CAMK2B: variants seen among roughly 807,000 people sequenced by gnomAD.
CAMK2B encodes calcium/calmodulin dependent protein kinase II beta.
A neutral mutation model predicts 93.7 loss-of-function variants in CAMK2B; 27 were observed. The observed-to-expected ratio is 0.29, with a 90% CI of 0.21 to 0.40. The LOEUF (loss-of-function observed/expected upper bound fraction) is 0.40. Among genes scored for constraint, CAMK2B ranks in the 10% least tolerant of loss-of-function variants. The probability of loss-of-function intolerance (pLI) is 1.00; values close to 1 mark genes in which losing one functional copy is unlikely to be tolerated. For missense variants in CAMK2B, 568 were observed against 895.8 expected, an observed-to-expected ratio of 0.63 and a Z score of 4.67; for synonymous variants, 374 against 358.8, an observed-to-expected ratio of 1.04 and a Z score of -0.48.
intron 6 of CAMK2B, among the ~76,000 whole-genome samples, chr7:44,246,859 G>A (rs1053712315): frequency 6.6e-6 from 1 of 151,202 alleles, no homozygotes; most frequent in Non-Finnish European, 1.5e-5. Flanking sequence ...TTTACATACA[G>A]GTGCACACAC....
chr7:44,231,145 A>C, intron 16 of CAMK2B, 91 bp from the exon 17 acceptor site: 18 of 781,140 alleles, frequency 2.3e-5, no homozygotes, highest in East Asian at 3.4e-5. Flanking sequence ...GGCCTGTGTC[A>C]GGACCAGCCC....
chr7:44,232,713 G>GA (rs1392418758), intron 16 of CAMK2B, 109 bp downstream of exon 16: 1 of 955,474 alleles, frequency 1.0e-6, no homozygotes, highest in African/African-American at 4.2e-5. Context: ...GGGGCGGCCA[G>GA]GGCATGGGAC....
chr7:44,306,970 G>GC, intron 1 of CAMK2B, among the ~76,000 whole-genome samples: 1 of 134,378 alleles, frequency 7.4e-6, no homozygotes, highest in African/African-American at 2.9e-5. Context: ...GAGGATGTGA[G>GC]AAAGGGGAGG....
chr7:44,302,047 A>T (rs1193133032), intron 1 of CAMK2B, among the ~76,000 whole-genome samples: 2 of 152,178 alleles, frequency 1.3e-5, no homozygotes, highest in African/African-American at 2.4e-5. Context: ...AATTACTAAT[A>T]CCAGAAATAA....
At chr7:44,226,387 C>T (rs1583779534) in intron 20 of CAMK2B, 129 bp downstream of exon 20, 1 of 729,386 alleles carries the variant, frequency 1.4e-6, no homozygotes, top group East Asian at 3.3e-5. Context: ...TTCCCTGGGA[C>T]CCAGCAGAGG....
At chr7:44,255,148 T>C (rs1482290826) in intron 4 of CAMK2B, among the ~76,000 whole-genome samples, 1 of 152,080 alleles carries the variant, frequency 6.6e-6, no homozygotes, top group Non-Finnish European at 1.5e-5. Flanking sequence ...AAATCTGGTC[T>C]CCTTGGTGGC....
intron 15 of CAMK2B, among the ~76,000 whole-genome samples, chr7:44,233,145 C>T (rs534485259): frequency 1.1e-3 from 167 of 152,152 alleles, no homozygotes; most frequent in Non-Finnish European, 1.9e-3. Flanking sequence ...TGTGGGGCCC[C>T]GACAAGCTGC....
chr7:44,246,847 C>T (rs571826276), intron 6 of CAMK2B, among the ~76,000 whole-genome samples: 1 of 152,128 alleles, frequency 6.6e-6, no homozygotes, highest in Admixed American at 6.5e-5. Context: ...GACACATGCA[C>T]ATTTACATAC....
At chr7:44,300,324 C>A (rs1005641852) in intron 1 of CAMK2B, among the ~76,000 whole-genome samples, 19 of 152,170 alleles carry the variant, frequency 1.2e-4, no homozygotes, top group African/African-American at 4.6e-4. Flanking sequence ...GTGTAAGCCA[C>A]CATGCCCAGC....
chr7:44,229,356 A>AC, intron 18 of CAMK2B, 32 bp downstream of exon 18: 2 of 1,426,950 alleles, frequency 1.4e-6, no homozygotes, highest in Admixed American at 4.5e-5. Context: ...CTCCAACATG[A>AC]CCCCCACAGC....
At chr7:44,321,041 G>C (rs1795943487) in intron 1 of CAMK2B, among the ~76,000 whole-genome samples, 1 of 152,216 alleles carries the variant, frequency 6.6e-6, no homozygotes, top group Non-Finnish European at 1.5e-5. Context: ...GAGCTGTGAG[G>C]GGTCAGGGGA....
At chr7:44,239,466 CG>C in intron 13 of CAMK2B, 122 bp downstream of exon 13, 2 of 817,978 alleles carry the variant, frequency 2.4e-6, no homozygotes, top group Non-Finnish European at 3.9e-6. Context: ...CAGGGGCTCC[CG>C]GGGGCCTGGC....
intron 16 of CAMK2B, 118 bp downstream of exon 16, chr7:44,232,704 G>A: frequency 2.4e-6 from 2 of 823,334 alleles, no homozygotes; most frequent in Admixed American, 2.5e-5. Context: ...CTGCGGGGAG[G>A]GGCGGCCAGG....
Position 44,248,831 on chromosome 7 carries a change from G to A in CAMK2B, c.342-1639C>T, listed in dbSNP as rs1255870458. ...GTCCTAATGGGTGATGGACTCCTGA[G>A]GTGTGTGGGGTCAGAAGAAGCCAGG... On this transcript the variant is annotated intron_variant, in intron 5 of 23. Coordinates refer to ENST00000395749, the MANE Select transcript of CAMK2B (RefSeq NM_001220.5). This position sits in a 1 kb window ranked among gnomAD's most constrained non-coding sequence, Gnocchi z 4.1. 6.6e-6 allele frequency among the ~76,000 whole-genome samples: 1 copy of A among 152,186 alleles called. No homozygotes were observed. The highest frequency in any genetic ancestry group is 1.5e-5 in the Non-Finnish European group (1 of 68,030).
chr7:44,229,284 G>C (rs1381751857), intron 18 of CAMK2B, 104 bp downstream of exon 18: 2 of 747,714 alleles, frequency 2.7e-6, no homozygotes, highest in Non-Finnish European at 4.3e-6. Flanking sequence ...TGAGGCTGGA[G>C]CCAGGGTCCA....
intron 1 of CAMK2B, among the ~76,000 whole-genome samples, chr7:44,289,122 G>C (rs1052140161): frequency 2.6e-5 from 4 of 151,958 alleles, no homozygotes; most frequent in African/African-American, 9.7e-5. Context: ...CCCAACCCTC[G>C]TGCCTGCCTC....
At chr7:44,259,682 C>G (rs1412317553) in intron 3 of CAMK2B, 1 of 152,462 alleles carries the variant, frequency 6.6e-6, no homozygotes, top group East Asian at 1.9e-4. Flanking sequence ...GGCGAGGGAA[C>G]AGTGAGTGAT....
In CAMK2B at chr7:44,271,232, C is replaced by T. The variant is rs868451416; in HGVS notation, c.161-8168G>A. On this transcript the variant is annotated intron_variant, in intron 2 of 23. Coordinates refer to ENST00000395749, the MANE Select transcript of CAMK2B (RefSeq NM_001220.5). This position sits in a 1 kb window ranked among gnomAD's most constrained non-coding sequence, Gnocchi z 4.2. ...CCATCTGGCCCTCTAGACTCTTAAA[C>T]AGCTCGCCAACATCCACATCAAACA... is the stretch of plus-strand genomic sequence containing the variant. Among the ~76,000 whole-genome samples the T allele has an allele frequency of 6.6e-6, 1 of 152,176 alleles. No individual in the cohort carries two copies. Among genetic ancestry groups the T allele is most frequent in the Non-Finnish European group, 1.5e-5 (1 of 68,034 alleles).
chr7:44,239,892 G>A (rs1248024774), intron 12 of CAMK2B, among the ~76,000 whole-genome samples: 2 of 152,112 alleles, frequency 1.3e-5, no homozygotes, highest in African/African-American at 4.8e-5. Flanking sequence ...CCCAGTGGGG[G>A]CTTCTCATGC....
Sources: gnomAD v4.1 joint callset for allele counts (sites outside exome capture counted in the v4.1 genomes callset) on GRCh38, gnomAD v4.1.1 for gene constraint, Gnocchi (gnomAD v3.1) non-coding constraint, MANE v1.5 for transcripts, NCBI Gene and HGNC (gene_info 2026-07-23, HGNC 2026-07-21) for gene names.